Variants in PDE7B observed in about 807,000 individuals in gnomAD.
The protein encoded by PDE7B is 3',5'-cyclic-AMP phosphodiesterase 7B.
In PDE7B, 29 loss-of-function variants were observed where a neutral mutation model predicts 56.2. The ratio of observed to expected loss-of-function variants is 0.52; its 90% CI spans 0.38 to 0.70. PDE7B has a LOEUF of 0.70. Among genes scored for constraint, PDE7B ranks in the 30% least tolerant of loss-of-function variants. The pLI is 0.00. For missense variants in PDE7B, 490 were observed against 565.0 expected, an observed-to-expected ratio of 0.87 and a Z score of 1.35; for synonymous variants, 197 against 196.9, an observed-to-expected ratio of 1.00 and a Z score of 0.00.
chr6:136,005,841 C>A (rs1298888156), intron 2 of PDE7B, among the ~76,000 whole-genome samples: 5 of 152,016 alleles, frequency 3.3e-5, no homozygotes, highest in South Asian at 2.1e-4. Context: ...TTGACACAGC[C>A]ATCCCATTAC....
At chr6:135,929,688 C>A (rs1458141487) in intron 1 of PDE7B, among the ~76,000 whole-genome samples, 2 of 152,154 alleles carry the variant, frequency 1.3e-5, no homozygotes, top group Non-Finnish European at 2.9e-5. Flanking sequence ...AAGTTAGAGG[C>A]CTTCCCTGAT....
chr6:136,155,973 T>G, intron 8 of PDE7B: 1 of 688,942 alleles, frequency 1.5e-6, no homozygotes, highest in Admixed American at 2.0e-5. Flanking sequence ...TGAAAGAGGT[T>G]TGAGGAATTA....
At chr6:136,079,104 A>G (rs1273865639) in intron 2 of PDE7B, among the ~76,000 whole-genome samples, 1 of 152,168 alleles carries the variant, frequency 6.6e-6, no homozygotes, top group Non-Finnish European at 1.5e-5. Flanking sequence ...TTCAACTTAC[A>G]ATGGGTTTAT....
chr6:135,936,824 A>G (rs979946538), intron 1 of PDE7B, among the ~76,000 whole-genome samples: 3 of 152,206 alleles, frequency 2.0e-5, no homozygotes, highest in African/African-American at 4.8e-5. Context: ...CACTCTCTGC[A>G]TGATTCAGAA....
chr6:135,888,161 T>C (rs1438907376), intron 1 of PDE7B, among the ~76,000 whole-genome samples: 4 of 152,144 alleles, frequency 2.6e-5, no homozygotes, highest in African/African-American at 9.7e-5. Flanking sequence ...ATGACCTCAG[T>C]GAGTTTCGTT....
intron 2 of PDE7B, among the ~76,000 whole-genome samples, chr6:136,005,462 A>T (rs1264553893): frequency 1.3e-5 from 2 of 152,306 alleles, no homozygotes; most frequent in East Asian, 3.9e-4. Context: ...TCATCTGACA[A>T]AGGGCTAATA....
chr6:136,053,827 T>C (rs553772749), intron 2 of PDE7B, among the ~76,000 whole-genome samples: 1 of 152,326 alleles, frequency 6.6e-6, no homozygotes, highest in East Asian at 1.9e-4. Flanking sequence ...GAGCATTTTT[T>C]CATGTGTTTT....
chr6:136,152,181 G>A (rs1778532216), intron 6 of PDE7B, among the ~76,000 whole-genome samples: 1 of 152,030 alleles, frequency 6.6e-6, no homozygotes, highest in South Asian at 2.1e-4. Context: ...GTGTAGTTAT[G>A]TTTATAATAA....
chr6:136,108,661 G>GAAACC (rs1391545107), intron 2 of PDE7B, 70 bp from the exon 3 acceptor site: 6 of 1,013,838 alleles, frequency 5.9e-6, no homozygotes, highest in South Asian at 3.8e-5. Context: ...TTTCATTGAG[G>GAAACC]ATTTACAGGG....
intron 1 of PDE7B, among the ~76,000 whole-genome samples, chr6:135,922,904 CT>C (rs1264873616): frequency 6.6e-6 from 1 of 152,098 alleles, no homozygotes; most frequent in African/African-American, 2.4e-5. Flanking sequence ...TGCAGTATGA[CT>C]TTACGATTTG....
chr6:135,889,750 ATT>A (rs35311247), intron 1 of PDE7B, among the ~76,000 whole-genome samples: 7,631 of 74,488 alleles, frequency 0.1, 548 homozygotes, highest in African/African-American at 0.29. Context: ...CGGTGCTACC[ATT>A]TTTTTTTTTT....
At chr6:135,969,010 A>C (rs918539737) in intron 2 of PDE7B, among the ~76,000 whole-genome samples, 2 of 152,178 alleles carry the variant, frequency 1.3e-5, no homozygotes, top group East Asian at 3.9e-4. Context: ...GCTGGGAGCC[A>C]TTATACCCAG....
chr6:136,048,249 C>T lies in PDE7B; in HGVS notation c.83-60482C>T, dbSNP rs183513810. Among the ~76,000 whole-genome samples, 881 of 152,128 alleles carry T rather than the reference C, an allele frequency of 5.8e-3. 1 individual carries two copies. Among genetic ancestry groups the T allele is most frequent in the South Asian group, 0.011 (51 of 4,820 alleles). On this transcript the variant is annotated intron_variant, in intron 2 of 12. Coordinates refer to ENST00000308191, the MANE Select transcript of PDE7B (RefSeq NM_018945.4). Reference sequence around the variant, plus strand: ...TCAAGAAAGGAGATGATGGGCTGGGCGCGGTGGCTCACGGCTATAACATCA... The same window carrying T: ...TCAAGAAAGGAGATGATGGGCTGGGTGCGGTGGCTCACGGCTATAACATCA...
intron 1 of PDE7B, among the ~76,000 whole-genome samples, chr6:135,945,460 A>G (rs1304111644): frequency 1.4e-5 from 2 of 146,454 alleles, no homozygotes; most frequent in East Asian, 2.0e-4. Context: ...CTTTCTTTTC[A>G]TATCACTGAA....
chr6:136,183,739 T>C (rs1331783459), intron 11 of PDE7B, among the ~76,000 whole-genome samples: 4 of 152,176 alleles, frequency 2.6e-5, no homozygotes, highest in East Asian at 1.9e-4. Flanking sequence ...AGTTTAAGAT[T>C]TGGACTCATC....
intron 2 of PDE7B, among the ~76,000 whole-genome samples, chr6:136,024,054 C>A (rs975941484): frequency 2.0e-5 from 3 of 151,820 alleles, no homozygotes; most frequent in African/African-American, 7.3e-5. Flanking sequence ...TGATGGTGAT[C>A]TAGGAAAGGA....
chr6:136,121,270 G>A (rs1777929636), intron 3 of PDE7B, among the ~76,000 whole-genome samples: 1 of 152,128 alleles, frequency 6.6e-6, no homozygotes, highest in Non-Finnish European at 1.5e-5. Context: ...CCCAAGAGAT[G>A]CCAAGAAATT....
At chr6:135,888,479 C>T (rs1161921768) in intron 1 of PDE7B, among the ~76,000 whole-genome samples, 3 of 151,862 alleles carry the variant, frequency 2.0e-5, no homozygotes. Context: ...TGTATAACAC[C>T]TTAAATAGGT....
At chr6:136,174,553 A>G (rs1026696902) in intron 9 of PDE7B, among the ~76,000 whole-genome samples, 1 of 152,156 alleles carries the variant, frequency 6.6e-6, no homozygotes, top group African/African-American at 2.4e-5. Context: ...ACTGTCTTCC[A>G]AGGCCACCAT....
Sources: allele counts gnomAD v4.1 joint callset (sites outside exome capture counted in the v4.1 genomes callset), GRCh38; gene constraint gnomAD v4.1.1; transcripts MANE v1.5; gene names NCBI Gene and HGNC (gene_info 2026-07-23, HGNC 2026-07-21).